SNX24: variants seen among roughly 807,000 people sequenced by gnomAD.
SNX24 encodes sorting nexin-24.
A neutral mutation model predicts 28.7 loss-of-function variants in SNX24; 22 were observed. The ratio of observed to expected loss-of-function variants is 0.77; its 90% CI spans 0.55 to 1.10. SNX24 has a LOEUF of 1.10. Among genes scored for constraint, SNX24 ranks in the 50% least tolerant of loss-of-function variants. The pLI is 0.00. For synonymous variants in SNX24, 69 were observed against 71.5 expected, an observed-to-expected ratio of 0.96 and a Z score of 0.18; for missense variants, 221 against 201.1, an observed-to-expected ratio of 1.10 and a Z score of -0.60.
intron 1 of SNX24, among the ~76,000 whole-genome samples, chr5:122,916,672 C>T (rs1235777978): frequency 6.6e-6 from 1 of 152,164 alleles, no homozygotes; most frequent in East Asian, 1.9e-4. Flanking sequence ...TACTGACTCA[C>T]TTTAAAGGAA....
intron 1 of SNX24, among the ~76,000 whole-genome samples, chr5:122,934,470 A>G (rs1362035032): frequency 6.6e-6 from 1 of 151,666 alleles, no homozygotes; most frequent in Non-Finnish European, 1.5e-5. Flanking sequence ...AGCGATTCTC[A>G]TGCCTCAGCC....
downstream of SNX24, among the ~76,000 whole-genome samples, chr5:123,010,848 T>C (rs901394764): frequency 7.0e-6 from 1 of 142,076 alleles, no homozygotes; most frequent in African/African-American, 2.4e-5. Flanking sequence ...CCCATTGCTT[T>C]CTATTTTTTT....
chr5:122,941,861 G>T (rs1022575486), intron 2 of SNX24, among the ~76,000 whole-genome samples: 18 of 152,170 alleles, frequency 1.2e-4, no homozygotes, highest in Non-Finnish European at 2.6e-4. Context: ...TAGCTCCTCT[G>T]CTAGTACTAG....
At chr5:122,915,290 A>C (rs1042035864) in intron 1 of SNX24, among the ~76,000 whole-genome samples, 1 of 151,926 alleles carries the variant, frequency 6.6e-6, no homozygotes, top group African/African-American at 2.4e-5. Context: ...CATCTTCCCT[A>C]TTCACCCTGA....
intron 3 of SNX24, among the ~76,000 whole-genome samples, chr5:122,957,249 C>G (rs552344174): frequency 2.0e-5 from 3 of 152,272 alleles, no homozygotes; most frequent in African/African-American, 4.8e-5. Context: ...TCCAGTTTTC[C>G]TAGCACAATT....
chr5:122,973,731 G>A (rs1454871960), intron 3 of SNX24, among the ~76,000 whole-genome samples: 1 of 152,198 alleles, frequency 6.6e-6, no homozygotes, highest in Non-Finnish European at 1.5e-5. Context: ...CAGGTTGCAT[G>A]GTAAGTTGGC....
chr5:123,001,279 A>C (rs1762235179), intron 4 of SNX24, 126 bp from the exon 5 acceptor site: 1 of 687,990 alleles, frequency 1.5e-6, no homozygotes, highest in East Asian at 2.8e-5. Flanking sequence ...GGAAACTCAC[A>C]GCTCTTTTAA....
chr5:122,965,994 G>A (rs986083597), intron 3 of SNX24, among the ~76,000 whole-genome samples: 4 of 152,174 alleles, frequency 2.6e-5, no homozygotes, highest in Admixed American at 2.6e-4. Context: ...TTATGGCATG[G>A]TAACTGTGTC....
chr5:122,918,420 A>G (rs760409048), intron 1 of SNX24, among the ~76,000 whole-genome samples: 5 of 152,212 alleles, frequency 3.3e-5, no homozygotes, highest in Non-Finnish European at 7.3e-5. Context: ...TGCGTCCCCC[A>G]TTTACATGTA....
intron 5 of SNX24, 100 bp from the exon 6 acceptor site, chr5:123,001,840 C>A (rs1487426697): frequency 1.2e-5 from 11 of 946,832 alleles, no homozygotes; most frequent in Non-Finnish European, 1.9e-5. Context: ...AACCTTGAGA[C>A]GTCCCCGCAC....
rs151209844 is a variant in SNX24 at position 122,848,431 on chromosome 5, T to C, written c.60+2738T>C. Among the ~76,000 whole-genome samples, 607 of 149,546 alleles carry C rather than the reference T, an allele frequency of 4.1e-3. 21 individuals are homozygous for C. In the East Asian group the frequency reaches 0.11, roughly 26 times the overall value. ...TTTAAAATTTAAAACGGCCGGGGCG[T>C]GGTGGCTCATGCCTGTAATCCCAGC... On this transcript the variant is annotated intron_variant, in intron 1 of 6. Coordinates refer to ENST00000261369, the MANE Select transcript of SNX24 (RefSeq NM_014035.4).
chr5:122,910,580 T>C (rs920252628), intron 1 of SNX24, among the ~76,000 whole-genome samples: 11 of 149,596 alleles, frequency 7.4e-5, no homozygotes, highest in Admixed American at 7.3e-4. Flanking sequence ...AACTCGTCAT[T>C]TAGCATTAGG....
chr5:123,009,736 T>C (rs1312923974), downstream of SNX24, among the ~76,000 whole-genome samples: 8 of 151,426 alleles, frequency 5.3e-5, no homozygotes, highest in African/African-American at 1.9e-4. Context: ...GCTATAATGC[T>C]GAAAACTGAA....
At chr5:122,917,803 G>A (rs1047515662) in intron 1 of SNX24, among the ~76,000 whole-genome samples, 1 of 152,146 alleles carries the variant, frequency 6.6e-6, no homozygotes, top group Admixed American at 6.5e-5. Flanking sequence ...AATGCCGGCC[G>A]GGTGCGGTGG....
downstream of SNX24, among the ~76,000 whole-genome samples, chr5:123,011,476 CAGTTAT>C (rs1762577726): frequency 6.6e-6 from 1 of 152,088 alleles, no homozygotes; most frequent in East Asian, 1.9e-4. Flanking sequence ...CCTACAGTTA[CAGTTAT>C]AAGTTCCCAT....
In SNX24 at chr5:122,936,732, A is replaced by G; in HGVS notation, c.61-2A>G. The G allele has an allele frequency of 6.5e-7, 1 of 1,546,012 alleles. No individual in the cohort carries two copies. Among genetic ancestry groups the G allele is most frequent in the Non-Finnish European group, 8.9e-7 (1 of 1,123,610 alleles). On this transcript the variant is annotated splice_acceptor_variant, in intron 1 of 6. Transcript: ENST00000261369. LOFTEE classifies it high-confidence loss of function. ...AATTAATCTTTTAAATTTTTTCCTC[A>G]GGTGTTTAAGATAGAAGTGCTAATG... is the stretch of plus-strand genomic sequence containing the variant.
chr5:122,968,056 C>A (rs192646815), intron 3 of SNX24, among the ~76,000 whole-genome samples: 159 of 152,248 alleles, frequency 1.0e-3, no homozygotes, highest in Non-Finnish European at 1.7e-3. Context: ...GATGTTGTTG[C>A]CAGAATGAAT....
intron 3 of SNX24, among the ~76,000 whole-genome samples, chr5:122,999,065 G>A (rs1762152275): frequency 6.6e-6 from 1 of 152,182 alleles, no homozygotes; most frequent in East Asian, 1.9e-4. Context: ...GGGAGGGGGA[G>A]GGGGAGGTGG....
Position 122,889,630 on chromosome 5 carries a change from TA to T in SNX24, c.60+43938del, listed in dbSNP as rs558533153. 4.5e-4 allele frequency among the ~76,000 whole-genome samples: 67 copies of T among 147,974 alleles called. 1 individual carries two copies. The East Asian group carries it at 0.013, about 29-fold the overall frequency. On this transcript the variant is annotated intron_variant, in intron 1 of 6. Transcript: ENST00000261369. ...ATACACACATATATATATACACATA[TA>T]TATATATACACATACATATGTATAT...
Sources: allele counts gnomAD v4.1 joint callset (sites outside exome capture counted in the v4.1 genomes callset), GRCh38; gene constraint gnomAD v4.1.1; transcripts MANE v1.5; gene names NCBI Gene and HGNC (gene_info 2026-07-23, HGNC 2026-07-21).